CD38: variants seen among roughly 807,000 people sequenced by gnomAD.
CD38 encodes the protein ADP-ribosyl cyclase/cyclic ADP-ribose hydrolase 1.
A neutral mutation model predicts 36.3 loss-of-function variants in CD38; 31 were observed. The observed-to-expected ratio is 0.85, with a 90% CI of 0.64 to 1.15. The LOEUF is 1.15. Ranked by LOEUF, CD38 falls within the 50% of genes most tolerant of loss-of-function variation. The pLI is 0.00. For synonymous variants in CD38, 131 were observed against 135.2 expected, an observed-to-expected ratio of 0.97 and a Z score of 0.22; for missense variants, 380 against 371.9, an observed-to-expected ratio of 1.02 and a Z score of -0.18.
At chr4:15,823,541 G>GA (rs1371371175) in intron 2 of CD38, among the ~76,000 whole-genome samples, 3 of 152,196 alleles carry the variant, frequency 2.0e-5, no homozygotes, top group Admixed American at 6.5e-5. Context: ...CTCAAAAGAA[G>GA]ACATCCATGT....
intron 2 of CD38, among the ~76,000 whole-genome samples, chr4:15,818,573 A>G (rs1339182859): frequency 6.6e-6 from 1 of 152,152 alleles, no homozygotes; most frequent in Non-Finnish European, 1.5e-5. Context: ...ACCACCCAAC[A>G]GGGGTCGATA....
intron 1 of CD38, among the ~76,000 whole-genome samples, chr4:15,797,368 A>G (rs1045371862): frequency 1.3e-5 from 2 of 152,164 alleles, no homozygotes; most frequent in East Asian, 3.8e-4. Flanking sequence ...ATTATTATCT[A>G]CTTGTTAATT....
intron 3 of CD38, among the ~76,000 whole-genome samples, chr4:15,828,505 T>G (rs1473464941): frequency 6.6e-6 from 1 of 152,194 alleles, no homozygotes; most frequent in Admixed American, 6.5e-5. Context: ...GGTCTCTGTA[T>G]CCACCATTCT....
intron 1 of CD38, among the ~76,000 whole-genome samples, chr4:15,780,620 C>T (rs1722677312): frequency 6.6e-6 from 1 of 151,758 alleles, no homozygotes; most frequent in Admixed American, 6.6e-5. Context: ...ACATGTTTTA[C>T]TGGCAGCACT....
chr4:15,830,990 A>AT (rs2148926110), intron 3 of CD38, among the ~76,000 whole-genome samples: 1 of 151,104 alleles, frequency 6.6e-6, no homozygotes, highest in East Asian at 1.9e-4. Flanking sequence ...AGTGGAGGTG[A>AT]TTTTTTCAGT....
At chr4:15,828,707 A>G (rs1037035112) in intron 3 of CD38, among the ~76,000 whole-genome samples, 4 of 152,176 alleles carry the variant, frequency 2.6e-5, no homozygotes, top group African/African-American at 9.7e-5. Context: ...ACCACACTTT[A>G]TCCATTCGTC....
At chr4:15,789,800 T>C (rs1261962482) in intron 1 of CD38, among the ~76,000 whole-genome samples, 1 of 132,284 alleles carries the variant, frequency 7.6e-6, no homozygotes, top group Non-Finnish European at 1.7e-5. Context: ...TGTGATGCCC[T>C]GTCCTGCCTC....
At chr4:15,822,508 A>G (rs1045767242) in intron 2 of CD38, among the ~76,000 whole-genome samples, 1 of 152,208 alleles carries the variant, frequency 6.6e-6, no homozygotes, top group African/African-American at 2.4e-5. Flanking sequence ...AGGATACAAA[A>G]TCAATGTGCA....
intron 3 of CD38, among the ~76,000 whole-genome samples, chr4:15,832,915 G>A (rs1427542630): frequency 2.0e-5 from 3 of 152,196 alleles, no homozygotes; most frequent in Non-Finnish European, 4.4e-5. Context: ...GCATTGTACT[G>A]TGACTAAGCT....
intron 1 of CD38, among the ~76,000 whole-genome samples, chr4:15,780,977 G>A (rs1023332842): frequency 2.0e-4 from 30 of 152,036 alleles, no homozygotes; most frequent in Admixed American, 1.8e-3. Flanking sequence ...GTGTTGTGGC[G>A]CGTGCCTGTA....
At chr4:15,821,564 A>C (rs1304676847) in intron 2 of CD38, among the ~76,000 whole-genome samples, 1 of 152,084 alleles carries the variant, frequency 6.6e-6, no homozygotes, top group East Asian at 1.9e-4. Context: ...ATGCAAATAA[A>C]CTAGAACATC....
At chr4:15,824,739 A>G in intron 2 of CD38, 142 bp from the exon 3 acceptor site, 1 of 685,778 alleles carries the variant, frequency 1.5e-6, no homozygotes, top group Non-Finnish European at 2.5e-6. Context: ...GAAATCATTG[A>G]TGCTTACAAC....
intron 7 of CD38, among the ~76,000 whole-genome samples, chr4:15,847,554 T>TAAA (rs1724283695): frequency 1.2e-5 from 1 of 82,294 alleles, no homozygotes; most frequent in Non-Finnish European, 2.3e-5. Flanking sequence ...AAACTTAGAG[T>TAAA]ATAATAAAAA....
chr4:15,790,844 G>A (rs1332782674), intron 1 of CD38, among the ~76,000 whole-genome samples: 2 of 148,718 alleles, frequency 1.3e-5, no homozygotes, highest in East Asian at 4.0e-4. Context: ...TCTGGGATGT[G>A]AGGAGCGCCT....
Position 15,838,075 on chromosome 4 carries a change from G to T in CD38, c.586-17G>T. On this transcript the variant is annotated splice_polypyrimidine_tract_variant and intron_variant, in intron 4 of 7. Transcript: ENST00000226279. ...ATTAAGTTTGCATGATGAATGGTGG[G>T]CATTTTTTTTTTTAAGTTTGCAGAA... The T allele has an allele frequency of 6.3e-7, 1 of 1,584,350 alleles. No homozygotes were observed.
At chr4:15,830,646 T>C (rs1030609976) in intron 3 of CD38, among the ~76,000 whole-genome samples, 7 of 152,202 alleles carry the variant, frequency 4.6e-5, no homozygotes, top group African/African-American at 7.2e-5. Context: ...TCATGGGGTA[T>C]TGCTCAATAA....
chr4:15,798,892 A>T (rs573889721), intron 1 of CD38, among the ~76,000 whole-genome samples: 1 of 151,904 alleles, frequency 6.6e-6, no homozygotes, highest in South Asian at 2.1e-4. Flanking sequence ...GCTTGTTCTT[A>T]TGTTGAATTG....
chr4:15,839,415 CTTTTTTTTTT>C (rs560134404), intron 5 of CD38, among the ~76,000 whole-genome samples: 6 of 88,066 alleles, frequency 6.8e-5, no homozygotes, highest in African/African-American at 3.0e-4. Flanking sequence ...TTCTACATTT[CTTTTTTTTTT>C]TTTTTTTTTT....
intron 2 of CD38, among the ~76,000 whole-genome samples, chr4:15,819,913 T>A (rs558454439): frequency 8.1e-4 from 124 of 152,194 alleles, no homozygotes; most frequent in Non-Finnish European, 1.6e-3. Context: ...AGATACTCCA[T>A]GAGAAGATCA....
Sources: gnomAD v4.1 joint callset for allele counts (sites outside exome capture counted in the v4.1 genomes callset) on GRCh38, gnomAD v4.1.1 for gene constraint, MANE v1.5 for transcripts, NCBI Gene and HGNC (gene_info 2026-07-23, HGNC 2026-07-21) for gene names.